Variants in LINGO2 observed in about 807,000 individuals in gnomAD.
The protein encoded by LINGO2 is leucine rich repeat and Ig domain containing 2.
A neutral mutation model predicts 30.6 loss-of-function variants in LINGO2; 14 were observed. That is an observed-to-expected ratio of 0.46 (90% CI 0.30 to 0.72). The LOEUF is 0.72. Ranked by LOEUF, LINGO2 falls within the 30% of genes least tolerant of loss-of-function variation. The pLI, the probability that LINGO2 is intolerant of heterozygous loss-of-function variation, is 0.07. For missense variants in LINGO2, 729 were observed against 751.7 expected (o/e 0.97, Z 0.35); for synonymous variants, 317 against 288.5 (o/e 1.10, Z -1.00).
the LINGO2 span, among the ~76,000 whole-genome samples, chr9:28,923,354 G>A: frequency 2.0e-5 from 3 of 152,122 alleles, no homozygotes; most frequent in Non-Finnish European, 4.4e-5. Flanking sequence ...TTAAATCCAA[G>A]TTATTGATGG....
At chr9:28,219,494 A>G (rs1330389793) in intron 4 of LINGO2, among the ~76,000 whole-genome samples, 1 of 152,158 alleles carries the variant, frequency 6.6e-6, no homozygotes, top group Non-Finnish European at 1.5e-5. Context: ...CAATACATTT[A>G]TTTCTCTTGT....
the LINGO2 span, among the ~76,000 whole-genome samples, chr9:28,980,816 T>TA: frequency 2.2e-5 from 3 of 139,462 alleles, no homozygotes; most frequent in Non-Finnish European, 4.6e-5. Flanking sequence ...TTTATTATTT[T>TA]ATTTTTTTAT....
In LINGO2 at chr9:28,661,755, T is replaced by C. The variant is rs114284176; in HGVS notation, c.-365+8445A>G. 4.4e-3 allele frequency among the ~76,000 whole-genome samples: 677 copies of C among 152,244 alleles called. 4 individuals are homozygous for C. Among genetic ancestry groups the C allele is most frequent in the African/African-American group, 0.011 (477 of 41,550 alleles). On this transcript the variant is annotated intron_variant, in intron 1 of 5. Coordinates refer to ENST00000379992, the Ensembl canonical transcript of LINGO2. ...TAAAAAGCCAATGGGATAGAGTTTC[T>C]TAAGGATAAAACAGAAAAACTCAAG...
the LINGO2 span, among the ~76,000 whole-genome samples, chr9:29,114,836 A>C: frequency 2.6e-5 from 4 of 152,104 alleles, no homozygotes; most frequent in African/African-American, 9.7e-5. Flanking sequence ...ATATTTAAAA[A>C]AAGATTATAT....
At chr9:28,037,657 G>T (rs1824001364) in intron 4 of LINGO2, among the ~76,000 whole-genome samples, 1 of 152,178 alleles carries the variant, frequency 6.6e-6, no homozygotes, top group Admixed American at 6.5e-5. Flanking sequence ...CATCTTTGTG[G>T]CTTCATAGCT....
At chr9:28,839,866 G>C in the LINGO2 span, among the ~76,000 whole-genome samples, 8 of 152,156 alleles carry the variant, frequency 5.3e-5, no homozygotes, top group Admixed American at 5.2e-4. Flanking sequence ...TGCCCTGGCT[G>C]TTAATGCTGA....
chr9:28,783,446 C>T, the LINGO2 span, among the ~76,000 whole-genome samples: 2 of 151,522 alleles, frequency 1.3e-5, no homozygotes, highest in Non-Finnish European at 2.9e-5. Context: ...TATTTTTTTA[C>T]TTTTATTTTT....
At chr9:28,204,454 A>G (rs1028771136) in intron 4 of LINGO2, among the ~76,000 whole-genome samples, 2 of 152,118 alleles carry the variant, frequency 1.3e-5, no homozygotes, top group Non-Finnish European at 2.9e-5. Context: ...TCTATTTTGT[A>G]TTATCTTTTC....
chr9:28,502,975 C>G lies in LINGO2; in HGVS notation c.-364-26950G>C, dbSNP rs533967340. ...GGCCAAAGACAATCAATAGCCATGG[C>G]TCATTTATTTTATGCCTGTGAGCAC... On this transcript the variant is annotated intron_variant, in intron 1 of 5. Coordinates refer to ENST00000379992, the Ensembl canonical transcript of LINGO2. Among the ~76,000 whole-genome samples the G allele has an allele frequency of 5.3e-5, 8 of 152,172 alleles. No homozygotes were observed. In the East Asian group the frequency reaches 1.5e-3, roughly 29 times the overall value.
chr9:28,940,084 A>G, the LINGO2 span, among the ~76,000 whole-genome samples: 2 of 152,156 alleles, frequency 1.3e-5, no homozygotes, highest in Non-Finnish European at 2.9e-5. Context: ...GCCTTGCATC[A>G]GCCTCCAACT....
the LINGO2 span, among the ~76,000 whole-genome samples, chr9:28,718,679 A>T: frequency 1.3e-5 from 2 of 152,008 alleles, no homozygotes; most frequent in African/African-American, 4.8e-5. Flanking sequence ...CCAATTTTTT[A>T]TTTCTTTTAA....
chr9:28,533,766 T>A (rs938742976), intron 1 of LINGO2, among the ~76,000 whole-genome samples: 5 of 152,178 alleles, frequency 3.3e-5, no homozygotes, highest in Non-Finnish European at 7.3e-5. Flanking sequence ...TTTACTTCAA[T>A]ATTTCCAGCA....
chr9:28,564,358 A>T (rs986971665), intron 1 of LINGO2, among the ~76,000 whole-genome samples: 1 of 152,136 alleles, frequency 6.6e-6, no homozygotes, highest in African/African-American at 2.4e-5. Context: ...CCGGGAGTAG[A>T]TAATTCTAAA....
At chr9:28,005,732 A>T (rs1459446970) in intron 5 of LINGO2, among the ~76,000 whole-genome samples, 1 of 152,076 alleles carries the variant, frequency 6.6e-6, no homozygotes, top group Non-Finnish European at 1.5e-5. Context: ...TTTAATATAT[A>T]ATCTTTTATT....
intron 1 of LINGO2, among the ~76,000 whole-genome samples, chr9:28,618,140 T>G (rs1826223716): frequency 6.6e-6 from 1 of 152,128 alleles, no homozygotes; most frequent in East Asian, 1.9e-4. Context: ...AGCAACCATT[T>G]GAGTAATCTT....
At chr9:28,750,412 G>A in the LINGO2 span, among the ~76,000 whole-genome samples, 14 of 152,072 alleles carry the variant, frequency 9.2e-5, no homozygotes, top group Non-Finnish European at 1.9e-4. Flanking sequence ...ATAAGGGAAG[G>A]AAAGGAGGAA....
chr9:28,127,689 A>G (rs556510207), intron 4 of LINGO2, among the ~76,000 whole-genome samples: 1 of 152,284 alleles, frequency 6.6e-6, no homozygotes, highest in South Asian at 2.1e-4. Context: ...TGTTCTCTCT[A>G]TGGTGGAAAT....
chr9:28,673,467 G>C (rs907753919), upstream of LINGO2, among the ~76,000 whole-genome samples: 1 of 152,074 alleles, frequency 6.6e-6, no homozygotes, highest in Non-Finnish European at 1.5e-5. Flanking sequence ...AGCAGTTTGA[G>C]ACCAGCCTGG....
chr9:29,093,250 A>G, the LINGO2 span, among the ~76,000 whole-genome samples: 1 of 133,946 alleles, frequency 7.5e-6, no homozygotes, highest in African/African-American at 2.8e-5. Flanking sequence ...TAAAAGTAAA[A>G]TATTATAATT....
Sources: gnomAD v4.1 joint callset for allele counts (sites outside exome capture counted in the v4.1 genomes callset) on GRCh38, gnomAD v4.1.1 for gene constraint, MANE v1.5 for transcripts, NCBI Gene and HGNC (gene_info 2026-07-23, HGNC 2026-07-21) for gene names.